Variants in SIL1 observed in about 807,000 individuals in gnomAD.
The protein encoded by SIL1 is SIL1 nucleotide exchange factor, also known as nucleotide exchange factor SIL1.
A neutral mutation model predicts 49.1 loss-of-function variants in SIL1; 40 were observed. That is an observed-to-expected ratio of 0.81 (90% CI 0.63 to 1.06). The LOEUF is 1.06. SIL1 is among the 50% of genes least tolerant of loss of function. The pLI is 0.00. For missense variants in SIL1, 500 were observed against 572.6 expected (o/e 0.87, Z 1.29); for synonymous variants, 253 against 250.8 (o/e 1.01, Z -0.08).
chr5:139,027,124 C>T (rs1486055011), intron 5 of SIL1, 132 bp from the exon 6 acceptor site: 7 of 817,826 alleles, frequency 8.6e-6, no homozygotes, highest in Non-Finnish European at 1.2e-5. Context: ...TCTATGCTAT[C>T]AAAAATACTA....
chr5:139,104,543 C>T (rs892547838), intron 3 of SIL1, among the ~76,000 whole-genome samples: 1 of 152,198 alleles, frequency 6.6e-6, no homozygotes, highest in Non-Finnish European at 1.5e-5. Flanking sequence ...CCTCTCCTCT[C>T]CCCTAGCAGA....
At chr5:139,022,543 T>C (rs1348972996) in intron 6 of SIL1, 3 of 152,226 alleles carry the variant, frequency 2.0e-5, no homozygotes, top group African/African-American at 7.2e-5. Context: ...GAATAACTGT[T>C]GCATTAATGA....
chr5:139,031,077 G>A (rs1472461704), intron 5 of SIL1, among the ~76,000 whole-genome samples: 1 of 152,112 alleles, frequency 6.6e-6, no homozygotes, highest in African/African-American at 2.4e-5. Flanking sequence ...TTTATCTTCT[G>A]ATCATCTTAA....
intron 7 of SIL1, among the ~76,000 whole-genome samples, chr5:138,954,658 T>C (rs560479948): frequency 6.6e-6 from 1 of 152,382 alleles, no homozygotes; most frequent in African/African-American, 2.4e-5. Flanking sequence ...GGGTAGAATC[T>C]GCTCCTAGAA....
chr5:139,053,195 C>T (rs753679771), intron 3 of SIL1, among the ~76,000 whole-genome samples: 13 of 152,028 alleles, frequency 8.6e-5, no homozygotes, highest in Non-Finnish European at 1.2e-4. Flanking sequence ...GACAATAGTC[C>T]CTTCCTGGAT....
At chr5:138,993,597 T>C (rs1767802403) in intron 7 of SIL1, among the ~76,000 whole-genome samples, 1 of 152,174 alleles carries the variant, frequency 6.6e-6, no homozygotes, top group African/African-American at 2.4e-5. Context: ...GTAACATCTG[T>C]TTTGCTGAGA....
At chr5:139,041,313 G>A (rs867214585) in intron 5 of SIL1, among the ~76,000 whole-genome samples, 3 of 152,224 alleles carry the variant, frequency 2.0e-5, no homozygotes, top group Non-Finnish European at 4.4e-5. Flanking sequence ...TGGAGACTGA[G>A]CCTGCATTTC....
At chr5:139,011,102 A>G (rs562267361) in intron 7 of SIL1, among the ~76,000 whole-genome samples, 3 of 150,784 alleles carry the variant, frequency 2.0e-5, no homozygotes, top group African/African-American at 7.3e-5. Flanking sequence ...CTGCTGTGCT[A>G]GCAATCAGCG....
At chr5:139,084,636 G>A (rs1243021083) in intron 3 of SIL1, among the ~76,000 whole-genome samples, 1 of 121,776 alleles carries the variant, frequency 8.2e-6, no homozygotes, top group Non-Finnish European at 1.7e-5. Flanking sequence ...AACTGTGGTG[G>A]GGTCGGGGGA....
intron 3 of SIL1, among the ~76,000 whole-genome samples, chr5:139,118,673 G>C (rs988526861): frequency 6.6e-6 from 1 of 152,010 alleles, no homozygotes; most frequent in Non-Finnish European, 1.5e-5. Context: ...TAATCTTTAG[G>C]TAGATGTGTT....
At chr5:139,099,715 T>C (rs112455889) in intron 3 of SIL1, among the ~76,000 whole-genome samples, 1,883 of 152,110 alleles carry the variant, frequency 0.012, 40 homozygotes, top group African/African-American at 0.043. Flanking sequence ...ATTTGTGGGA[T>C]CTAAAAATCA....
chr5:139,117,155 G>C (rs375745865), intron 3 of SIL1, among the ~76,000 whole-genome samples: 4 of 152,196 alleles, frequency 2.6e-5, no homozygotes, highest in East Asian at 3.8e-4. Flanking sequence ...TTTGGTGGCT[G>C]TTTTTGTCTT....
chr5:139,019,708 A>T (rs1314685764), intron 7 of SIL1, among the ~76,000 whole-genome samples: 1 of 152,236 alleles, frequency 6.6e-6, no homozygotes, highest in Non-Finnish European at 1.5e-5. Flanking sequence ...AGGATGTGAC[A>T]TGAAAATGCT....
chr5:139,042,536 G>A, intron 5 of SIL1, 84 bp downstream of exon 5: 1 of 1,108,084 alleles, frequency 9.0e-7, no homozygotes, highest in South Asian at 1.2e-5. Context: ...TATTGCAAGA[G>A]TTCCCATAAA....
intron 7 of SIL1, among the ~76,000 whole-genome samples, chr5:138,995,228 A>C (rs1490219181): frequency 6.6e-6 from 1 of 151,212 alleles, no homozygotes; most frequent in Non-Finnish European, 1.5e-5. Flanking sequence ...TAATTGGGAT[A>C]TCTATCACCT....
intron 3 of SIL1, among the ~76,000 whole-genome samples, chr5:139,066,433 T>G (rs1365512938): frequency 6.6e-6 from 1 of 152,118 alleles, no homozygotes; most frequent in Non-Finnish European, 1.5e-5. Context: ...CACAGCTCAC[T>G]GCAGCCTTGA....
intron 4 of SIL1, among the ~76,000 whole-genome samples, chr5:139,048,790 T>C (rs1769226291): frequency 6.6e-6 from 1 of 152,234 alleles, no homozygotes. Flanking sequence ...TATGTGTGTA[T>C]TGTGGACGAA....
At chr5:139,076,993 G>A (rs1046193046) in intron 3 of SIL1, among the ~76,000 whole-genome samples, 4 of 152,084 alleles carry the variant, frequency 2.6e-5, no homozygotes, top group South Asian at 2.1e-4. Context: ...AATTAGCTGC[G>A]CATGGCAGCA....
chr5:139,117,867 G>T (rs1224603895), intron 3 of SIL1, among the ~76,000 whole-genome samples: 2 of 152,108 alleles, frequency 1.3e-5, no homozygotes, highest in Non-Finnish European at 2.9e-5. Context: ...CTGCAGGGAA[G>T]GCCCACGAAG....
Sources: allele counts gnomAD v4.1 joint callset (sites outside exome capture counted in the v4.1 genomes callset), GRCh38; gene constraint gnomAD v4.1.1; transcripts MANE v1.5; gene names NCBI Gene and HGNC (gene_info 2026-07-23, HGNC 2026-07-21).